The following CYP2C8 variants were observed in gnomAD, a reference collection of about 807,000 sequenced individuals.
CYP2C8 encodes cytochrome P450 2C8.
In CYP2C8, 51 loss-of-function variants were observed where a neutral mutation model predicts 41.3. The observed-to-expected ratio is 1.24, with a 90% CI of 0.99 to 1.56. CYP2C8 has a LOEUF of 1.56. Among genes scored for constraint, CYP2C8 ranks in the 40% most tolerant of loss-of-function variants. The pLI, the probability that CYP2C8 is intolerant of heterozygous loss-of-function variation, is 0.00. For missense variants in CYP2C8, 651 were observed against 579.9 expected (o/e 1.12, Z -1.26); for synonymous variants, 218 against 205.8 (o/e 1.06, Z -0.51).
At chr10:95,055,044 G>A (rs1589442544) in intron 5 of CYP2C8, among the ~76,000 whole-genome samples, 2 of 152,020 alleles carry the variant, frequency 1.3e-5, no homozygotes, top group Non-Finnish European at 2.9e-5. Flanking sequence ...TGTTAAGATG[G>A]CAATGCTTCC....
At chr10:95,056,500 GATC>G (rs1415233627) in intron 5 of CYP2C8, among the ~76,000 whole-genome samples, 3 of 152,082 alleles carry the variant, frequency 2.0e-5, no homozygotes, top group East Asian at 1.9e-4. Context: ...TAACACAAAT[GATC>G]ATCAACAGAT....
Position 95,058,321 on chromosome 10 carries a change from T to G in CYP2C8, c.819+14A>C. ...ACAAGAAATCAAAATACTGATCTGT[T>G]GCTAATATCTTACCTGCTCCATTTT... On this transcript the variant is annotated intron_variant, in intron 5 of 8. Transcript: ENST00000371270. 1 of 1,612,514 alleles carries G rather than the reference T, an allele frequency of 6.2e-7. No homozygotes were observed. The highest frequency in any genetic ancestry group is 1.1e-5 in the South Asian group (1 of 91,026).
intron 4 of CYP2C8, among the ~76,000 whole-genome samples, chr10:95,059,186 A>C (rs1224303153): frequency 1.3e-5 from 2 of 152,328 alleles, no homozygotes; most frequent in South Asian, 2.1e-4. Flanking sequence ...GTCAAATGGT[A>C]TTTCTAGTTC....
rs772754152 is a variant in CYP2C8, at chr10:95,067,207, C to A, written c.481+1G>T. The A allele has an allele frequency of 1.2e-6, 2 of 1,614,066 alleles. No homozygotes were observed. Among genetic ancestry groups the A allele is most frequent in the Non-Finnish European group, 8.5e-7 (1 of 1,179,960 alleles). ...CAATGACGCAGAGTAGAGTCACCCACCCTTGGTTTTTCTCAACTCCTCCAC... is the reference window on the plus strand; with the variant it reads ...CAATGACGCAGAGTAGAGTCACCCAACCTTGGTTTTTCTCAACTCCTCCAC... On this transcript the variant is annotated splice_donor_variant, in intron 3 of 8. Coordinates refer to ENST00000371270, the MANE Select transcript of CYP2C8 (RefSeq NM_000770.3). LOFTEE classifies it high-confidence loss of function.
intron 7 of CYP2C8, among the ~76,000 whole-genome samples, chr10:95,042,047 T>A (rs2033013098): frequency 1.3e-5 from 2 of 152,026 alleles, no homozygotes; most frequent in African/African-American, 2.4e-5. Flanking sequence ...GTCAATTATT[T>A]TAAAAAAATA....
At chr10:95,040,884 G>A (rs1284283854) in intron 7 of CYP2C8, 2 of 455,756 alleles carry the variant, frequency 4.4e-6, no homozygotes, top group Admixed American at 4.7e-5. Context: ...GGAAGGGAAA[G>A]CAATAAAAAC....
chr10:95,055,016 TAATG>T (rs2033288538), intron 5 of CYP2C8, among the ~76,000 whole-genome samples: 2 of 152,048 alleles, frequency 1.3e-5, no homozygotes, highest in Admixed American at 6.6e-5. Flanking sequence ...ATAATAATAA[TAATG>T]AAAGACTTAA....
rs1255214177 is a variant in CYP2C8, at chr10:95,069,391, A to G, written c.12T>C (p.Phe4=). MEP[F]VVLVLCLSFM... ...AAGAGAGACACAGCACCAGGACCAC[A>G]AAAGGTTCCATTGAAGCCTTCTCTT... is the stretch of plus-strand genomic sequence containing the variant. Residue 4 remains phenylalanine (F), a synonymous_variant, in exon 1 of 9, where the codon TTT becomes TTC. Transcript: ENST00000371270. The G allele has an allele frequency of 1.2e-6, 2 of 1,613,998 alleles. No homozygotes were observed. Among genetic ancestry groups the G allele is most frequent in the Non-Finnish European group, 1.7e-6 (2 of 1,180,006 alleles).
At chr10:95,039,151 C>G (rs2032947846) in intron 7 of CYP2C8, 113 bp from the exon 8 acceptor site, 2 of 929,380 alleles carry the variant, frequency 2.2e-6, no homozygotes, top group African/African-American at 1.6e-5. Flanking sequence ...AACTCAGGTC[C>G]AGCCAGACAC....
intron 1 of CYP2C8, 121 bp from the exon 2 acceptor site, chr10:95,067,812 G>T (rs777797248): frequency 4.9e-4 from 521 of 1,065,210 alleles, no homozygotes; most frequent in Non-Finnish European, 6.7e-4. Flanking sequence ...ACATAGATTC[G>T]ATATTTCTGA....
intron 4 of CYP2C8, 31 bp downstream of exon 4, chr10:95,064,769 G>T: frequency 6.2e-7 from 1 of 1,604,890 alleles, no homozygotes; most frequent in Middle Eastern, 1.7e-4. Context: ...TGAATAAATG[G>T]TTTCCAAGGA....
chr10:95,058,061 T>C (rs1292650010), intron 5 of CYP2C8, among the ~76,000 whole-genome samples: 1 of 152,216 alleles, frequency 6.6e-6, no homozygotes, highest in African/African-American at 2.4e-5. Flanking sequence ...TTTCTACTTA[T>C]TTATAATTGT....
chr10:95,060,251 G>T (rs1269211336), intron 4 of CYP2C8, among the ~76,000 whole-genome samples: 1 of 152,076 alleles, frequency 6.6e-6, no homozygotes, highest in African/African-American at 2.4e-5. Context: ...CCATTTTCAT[G>T]ATATTGATTT....
At chr10:95,059,167 G>T (rs1021417792) in intron 4 of CYP2C8, among the ~76,000 whole-genome samples, 1 of 152,208 alleles carries the variant, frequency 6.6e-6, no homozygotes, top group Non-Finnish European at 1.5e-5. Flanking sequence ...CCAGTAATGG[G>T]ATGGCTGGGT....
chr10:95,046,601 A>G (rs1267051281), intron 5 of CYP2C8, among the ~76,000 whole-genome samples: 1 of 152,198 alleles, frequency 6.6e-6, no homozygotes, highest in Non-Finnish European at 1.5e-5. Context: ...CATGAACTGT[A>G]GAGGACACAT....
intron 5 of CYP2C8, among the ~76,000 whole-genome samples, chr10:95,051,239 A>G (rs1383723791): frequency 1.3e-5 from 2 of 152,188 alleles, no homozygotes; most frequent in Admixed American, 1.3e-4. Flanking sequence ...GTAGAATAAT[A>G]GAATAGAATT....
intron 7 of CYP2C8, among the ~76,000 whole-genome samples, chr10:95,039,936 C>A (rs965387685): frequency 6.6e-6 from 1 of 152,098 alleles, no homozygotes; most frequent in Non-Finnish European, 1.5e-5. Flanking sequence ...TCATACAAAA[C>A]CAGCCTGAGG....
intron 7 of CYP2C8, among the ~76,000 whole-genome samples, chr10:95,041,926 T>C (rs1176895789): frequency 1.3e-5 from 2 of 152,160 alleles, no homozygotes; most frequent in Non-Finnish European, 2.9e-5. Flanking sequence ...ACATGAGCCT[T>C]CTGGGGGCTG....
At chr10:95,046,111 T>C (rs2033104601) in intron 5 of CYP2C8, among the ~76,000 whole-genome samples, 160 bp from the exon 6 acceptor site, 1 of 152,210 alleles carries the variant, frequency 6.6e-6, no homozygotes, top group Non-Finnish European at 1.5e-5. Context: ...AAACTGCAGA[T>C]CAGTTGACTC....
Sources: gnomAD v4.1 joint callset for allele counts (sites outside exome capture counted in the v4.1 genomes callset) on GRCh38, gnomAD v4.1.1 for gene constraint, MANE v1.5 for transcripts, NCBI Gene and HGNC (gene_info 2026-07-23, HGNC 2026-07-21) for gene names.